NPAS3: variants seen among roughly 807,000 people sequenced by gnomAD.
NPAS3 encodes neuronal PAS domain protein 3.
In NPAS3, 14 loss-of-function variants were observed where a neutral mutation model predicts 73.1. That is an observed-to-expected ratio of 0.19 (90% CI 0.13 to 0.30). The LOEUF (loss-of-function observed/expected upper bound fraction) is 0.30. Ranked by LOEUF, NPAS3 falls within the 10% of genes least tolerant of loss-of-function variation. The pLI, the probability that NPAS3 is intolerant of heterozygous loss-of-function variation, is 1.00. For synonymous variants in NPAS3, 620 were observed against 541.5 expected (o/e 1.14, Z -2.01); for missense variants, 1,096 against 1,250.0 (o/e 0.88, Z 1.86).
intron 4 of NPAS3, among the ~76,000 whole-genome samples, chr14:33,488,896 G>A (rs2051749072): frequency 6.6e-6 from 1 of 152,192 alleles, no homozygotes; most frequent in African/African-American, 2.4e-5. Context: ...ACACCAGCAT[G>A]TGCAGGAAGT....
chr14:33,797,966 A>G (rs1027417436), intron 11 of NPAS3, among the ~76,000 whole-genome samples: 10 of 151,958 alleles, frequency 6.6e-5, no homozygotes, highest in Admixed American at 2.6e-4. Context: ...AAAGAGATTG[A>G]TTGCTATTAG....
intron 6 of NPAS3, among the ~76,000 whole-genome samples, chr14:33,717,996 T>TG (rs1414906432): frequency 1.5e-5 from 2 of 132,250 alleles, no homozygotes; most frequent in Non-Finnish European, 3.6e-5. Context: ...GCTTTTGTAA[T>TG]GGGTTTTTTT....
intron 1 of NPAS3, among the ~76,000 whole-genome samples, chr14:33,022,558 T>G (rs892601429): frequency 5.4e-5 from 8 of 149,376 alleles, no homozygotes; most frequent in East Asian, 2.0e-4. Context: ...CTAGCTGCTC[T>G]GGAGGCTGAG....
At chr14:33,090,098 C>A (rs913544270) in intron 2 of NPAS3, among the ~76,000 whole-genome samples, 5 of 152,126 alleles carry the variant, frequency 3.3e-5, no homozygotes, top group Non-Finnish European at 7.4e-5. Flanking sequence ...AACTAATGGA[C>A]AAAATAACCA....
intron 2 of NPAS3, among the ~76,000 whole-genome samples, chr14:33,153,537 G>A (rs138793736): frequency 5.9e-5 from 9 of 151,580 alleles, no homozygotes; most frequent in East Asian, 2.0e-4. Flanking sequence ...TAATCTTCCC[G>A]TTTGGGGTCC....
intron 4 of NPAS3, among the ~76,000 whole-genome samples, chr14:33,535,959 T>G (rs2054242405): frequency 6.6e-6 from 1 of 152,180 alleles, no homozygotes; most frequent in African/African-American, 2.4e-5. Context: ...AGGCCACTGG[T>G]TAGCATCAGG....
chr14:33,292,904 A>G (rs1240842273), intron 3 of NPAS3, among the ~76,000 whole-genome samples: 1 of 152,226 alleles, frequency 6.6e-6, no homozygotes, highest in Non-Finnish European at 1.5e-5. Flanking sequence ...AAGTTTCAAG[A>G]GACTGAGAAC....
chr14:33,206,629 T>C (rs956748635), intron 2 of NPAS3, among the ~76,000 whole-genome samples: 2 of 152,150 alleles, frequency 1.3e-5, no homozygotes, highest in African/African-American at 4.8e-5. Flanking sequence ...ATGAATTAGA[T>C]GATGTTGAAA....
intron 4 of NPAS3, among the ~76,000 whole-genome samples, chr14:33,496,673 T>C (rs74904688): frequency 6.6e-6 from 1 of 152,136 alleles, no homozygotes; most frequent in Non-Finnish European, 1.5e-5. Flanking sequence ...AAACTCTCAA[T>C]AAACTAGGTT....
intron 4 of NPAS3, among the ~76,000 whole-genome samples, chr14:33,446,170 T>TTC (rs2049487072): frequency 9.7e-6 from 1 of 103,292 alleles, no homozygotes; most frequent in South Asian, 2.5e-4. Context: ...TGCTTTCTTT[T>TTC]TTTTTTTTTT....
chr14:33,307,238 C>G (rs1449038777), intron 3 of NPAS3, among the ~76,000 whole-genome samples: 4 of 152,126 alleles, frequency 2.6e-5, no homozygotes, highest in African/African-American at 9.7e-5. Context: ...TACAAATTTT[C>G]TGCAATTTGA....
chr14:33,753,480 C>T (rs977071504), intron 7 of NPAS3, among the ~76,000 whole-genome samples: 7 of 152,030 alleles, frequency 4.6e-5, no homozygotes, highest in Non-Finnish European at 8.8e-5. Flanking sequence ...AATTCCATCA[C>T]TGATTTTGGC....
At chr14:33,673,743 T>TG (rs1424557535) in intron 5 of NPAS3, among the ~76,000 whole-genome samples, 1 of 152,204 alleles carries the variant, frequency 6.6e-6, no homozygotes, top group African/African-American at 2.4e-5. Context: ...GAATACAATG[T>TG]GAATGGTTCT....
rs567944426 is a variant in NPAS3, at chr14:33,087,438, C to T, written c.140+31444C>T. 3.3e-5 allele frequency among the ~76,000 whole-genome samples: 5 copies of T among 151,898 alleles called. No individual in the cohort carries two copies. The South Asian group carries it at 1.0e-3, about 32-fold the overall frequency. On this transcript the variant is annotated intron_variant, in intron 2 of 11. Transcript: ENST00000356141. ...GTAGGGAACAAAAAAATAAGGACTTCTGTGCAAATGATACCATTAATGCTA... is the reference window on the plus strand; with the variant it reads ...GTAGGGAACAAAAAAATAAGGACTTTTGTGCAAATGATACCATTAATGCTA...
rs754402407 is a variant in NPAS3, at chr14:32,981,296, A to G, written c.50+41930A>G. On this transcript the variant is annotated intron_variant, in intron 1 of 11. Transcript: ENST00000356141. ...GCCTAGCACAATAAAAATGATGATGATGACAATAATTCATATTTTGCATTT... is the reference window on the plus strand; with the variant it reads ...GCCTAGCACAATAAAAATGATGATGGTGACAATAATTCATATTTTGCATTT... Among the ~76,000 whole-genome samples, 13 of 152,348 alleles carry G rather than the reference A, an allele frequency of 8.5e-5. No homozygotes were observed. The East Asian group carries it at 2.1e-3, about 25-fold the overall frequency.
At chr14:33,074,480 G>T (rs892846697) in intron 2 of NPAS3, among the ~76,000 whole-genome samples, 2 of 152,124 alleles carry the variant, frequency 1.3e-5, no homozygotes, top group South Asian at 4.2e-4. Flanking sequence ...GCAGTGGCAT[G>T]ATCTCGGCTC....
At chr14:33,374,433 CA>C (rs2046229723) in intron 4 of NPAS3, among the ~76,000 whole-genome samples, 1 of 151,936 alleles carries the variant, frequency 6.6e-6, no homozygotes, top group African/African-American at 2.4e-5. Flanking sequence ...TTTGGTCCTG[CA>C]GAGTTGTTTT....
chr14:33,196,588 C>G (rs9805951), intron 2 of NPAS3, among the ~76,000 whole-genome samples: 33,054 of 151,982 alleles, frequency 0.22, 3,926 homozygotes, highest in South Asian at 0.38. Flanking sequence ...ACCGAAATCT[C>G]CGCTATACAA....
intron 2 of NPAS3, among the ~76,000 whole-genome samples, chr14:33,160,647 A>C (rs534526931): frequency 1.3e-5 from 2 of 152,146 alleles, no homozygotes; most frequent in African/African-American, 4.8e-5. Flanking sequence ...TAATTAAAAA[A>C]AAAAAAAGAA....
Sources: gnomAD v4.1 joint callset for allele counts (sites outside exome capture counted in the v4.1 genomes callset) on GRCh38, gnomAD v4.1.1 for gene constraint, MANE v1.5 for transcripts, NCBI Gene and HGNC (gene_info 2026-07-23, HGNC 2026-07-21) for gene names.